KCNN2: variants seen among roughly 807,000 people sequenced by gnomAD.
KCNN2 encodes small conductance calcium-activated potassium channel protein 2.
A neutral mutation model predicts 55.5 loss-of-function variants in KCNN2; 24 were observed. The ratio of observed to expected loss-of-function variants is 0.43; its 90% CI spans 0.31 to 0.61. KCNN2 has a LOEUF of 0.61. Ranked by LOEUF, KCNN2 falls within the 20% of genes least tolerant of loss-of-function variation. The pLI, the probability that KCNN2 is intolerant of heterozygous loss-of-function variation, is 0.08. For missense variants in KCNN2, 754 were observed against 853.6 expected (o/e 0.88, Z 1.45); for synonymous variants, 431 against 336.1 (o/e 1.28, Z -3.09).
At chr5:114,193,100 C>A (rs572321279) in intron 1 of KCNN2, among the ~76,000 whole-genome samples, 87 of 152,226 alleles carry the variant, frequency 5.7e-4, no homozygotes, top group African/African-American at 2.0e-3. Context: ...TGTTGTTTAT[C>A]TGAAATTCAA....
At chr5:114,326,583 C>A (rs190693678) in intron 2 of KCNN2, among the ~76,000 whole-genome samples, 1 of 152,072 alleles carries the variant, frequency 6.6e-6, no homozygotes, top group Non-Finnish European at 1.5e-5. Flanking sequence ...TCTGAAAGCC[C>A]GTGAAAGACC....
intron 2 of KCNN2, among the ~76,000 whole-genome samples, chr5:114,383,843 G>A (rs1580774116): frequency 6.6e-6 from 1 of 152,220 alleles, no homozygotes; most frequent in African/African-American, 2.4e-5. Flanking sequence ...TTGTGATGCA[G>A]TATAAGAGAA....
At chr5:114,463,223 T>G (rs745712869) in intron 4 of KCNN2, 33 bp downstream of exon 4, 9 of 1,583,864 alleles carry the variant, frequency 5.7e-6, no homozygotes, top group Non-Finnish European at 7.7e-6. Flanking sequence ...TCTCTTTTAT[T>G]TACGCTCAAG....
intron 2 of KCNN2, among the ~76,000 whole-genome samples, chr5:114,394,853 C>G (rs796251158): frequency 2.6e-5 from 4 of 152,238 alleles, no homozygotes; most frequent in African/African-American, 9.6e-5. Flanking sequence ...ATATTAAGTG[C>G]CAGTACCACC....
chr5:114,286,845 A>C (rs1755764479), intron 2 of KCNN2, among the ~76,000 whole-genome samples: 1 of 152,246 alleles, frequency 6.6e-6, no homozygotes, highest in Non-Finnish European at 1.5e-5. Flanking sequence ...GAAGAGATTT[A>C]GGAAGAAATG....
intron 2 of KCNN2, among the ~76,000 whole-genome samples, chr5:114,246,988 T>C (rs1225923510): frequency 4.0e-5 from 6 of 151,468 alleles, no homozygotes; most frequent in South Asian, 4.2e-4. Context: ...ATGGTTAGAT[T>C]ATATCACTTG....
intron 3 of KCNN2, among the ~76,000 whole-genome samples, chr5:114,420,899 A>G (rs1759453537): frequency 6.6e-6 from 1 of 152,184 alleles, no homozygotes; most frequent in Non-Finnish European, 1.5e-5. Context: ...CTATCATTTT[A>G]TGGCAATTTT....
At chr5:114,377,753 C>T (rs1282450531) in intron 2 of KCNN2, among the ~76,000 whole-genome samples, 1 of 152,142 alleles carries the variant, frequency 6.6e-6, no homozygotes, top group Admixed American at 6.5e-5. Context: ...ATTACCCCTC[C>T]CAGGCTCATT....
At chr5:114,287,889 C>T (rs1755787790) in intron 2 of KCNN2, among the ~76,000 whole-genome samples, 2 of 151,902 alleles carry the variant, frequency 1.3e-5, no homozygotes, top group African/African-American at 4.8e-5. Flanking sequence ...TTTAGTTTTT[C>T]TCATTTGATG....
At chr5:114,286,743 CAG>C (rs1470378288) in intron 2 of KCNN2, among the ~76,000 whole-genome samples, 2 of 151,940 alleles carry the variant, frequency 1.3e-5, no homozygotes, top group African/African-American at 2.4e-5. Context: ...GTTTCTAGTA[CAG>C]AGAGAAAAAT....
chr5:114,276,331 T>G (rs1307882431), intron 2 of KCNN2, among the ~76,000 whole-genome samples: 4 of 152,142 alleles, frequency 2.6e-5, no homozygotes, highest in Non-Finnish European at 4.4e-5. Flanking sequence ...GAGTTCTGTA[T>G]ATGTCTATTA....
At chr5:114,409,182 C>A (rs145643399) in intron 3 of KCNN2, among the ~76,000 whole-genome samples, 1 of 151,916 alleles carries the variant, frequency 6.6e-6, no homozygotes, top group Non-Finnish European at 1.5e-5. Context: ...TTCTTCCCAA[C>A]GTAACGTTTT....
intron 1 of KCNN2, among the ~76,000 whole-genome samples, chr5:114,180,744 A>G (rs566185456): frequency 7.9e-5 from 12 of 152,152 alleles, no homozygotes; most frequent in Non-Finnish European, 1.0e-4. Context: ...TACAATACAG[A>G]CTATAGCCAT....
chr5:114,446,209 C>G (rs1760400895), intron 3 of KCNN2, among the ~76,000 whole-genome samples: 1 of 152,106 alleles, frequency 6.6e-6, no homozygotes, highest in Non-Finnish European at 1.5e-5. Flanking sequence ...ACAAAATAAC[C>G]AAATGACAGA....
intron 2 of KCNN2, among the ~76,000 whole-genome samples, chr5:114,352,133 A>G (rs1757216337): frequency 6.6e-6 from 1 of 151,716 alleles, no homozygotes; most frequent in Non-Finnish European, 1.5e-5. Flanking sequence ...CAAATTTTCT[A>G]CTTAATCACG....
chr5:114,360,542 G>A (rs1335743977), upstream of KCNN2, among the ~76,000 whole-genome samples: 1 of 152,138 alleles, frequency 6.6e-6, no homozygotes, highest in South Asian at 2.1e-4. Flanking sequence ...ACCTTCTTTA[G>A]GGGGAGACGG....
At position 114,410,387 on chromosome 5, in the gene KCNN2, G is replaced by A. The variant is rs899671157; in HGVS notation, c.1637+5531G>A. Among the ~76,000 whole-genome samples, 3 of 152,266 alleles carry A rather than the reference G, an allele frequency of 2.0e-5. No homozygotes were observed. The South Asian group carries it at 6.2e-4, about 32-fold the overall frequency. ...ACTGGATATTGTGGGTCAGTGCTGT[G>A]TTACACAAAGAAAGGAGTTTTGTTT... On this transcript the variant is annotated intron_variant, in intron 3 of 7. Coordinates refer to ENST00000673685, the MANE Select transcript of KCNN2 (RefSeq NM_021614.4).
intron 1 of KCNN2, among the ~76,000 whole-genome samples, chr5:114,156,811 A>C (rs10038304): frequency 0.42 from 63,117 of 151,720 alleles, 13,503 homozygotes; most frequent in East Asian, 0.72. Flanking sequence ...GATGATTTGA[A>C]ATTAACAAAG....
intron 1 of KCNN2, among the ~76,000 whole-genome samples, chr5:114,196,673 C>T (rs1220256643): frequency 6.6e-6 from 1 of 151,980 alleles, no homozygotes; most frequent in Non-Finnish European, 1.5e-5. Context: ...ATAATCCTTC[C>T]TGTTTCTATA....
Sources: gnomAD v4.1 joint callset for allele counts (sites outside exome capture counted in the v4.1 genomes callset) on GRCh38, gnomAD v4.1.1 for gene constraint, MANE v1.5 for transcripts, NCBI Gene and HGNC (gene_info 2026-07-23, HGNC 2026-07-21) for gene names.